Variants in DSCAM observed in about 807,000 individuals in gnomAD.
DSCAM encodes cell adhesion molecule DSCAM.
DSCAM carries 47 observed loss-of-function variants against 217.7 expected under a neutral mutation model. That is an observed-to-expected ratio of 0.22 (90% CI 0.17 to 0.28). The LOEUF (loss-of-function observed/expected upper bound fraction) is 0.28. Ranked by LOEUF, DSCAM falls within the 10% of genes least tolerant of loss-of-function variation. The pLI is 1.00. For synonymous variants in DSCAM, 1,056 were observed against 1,015.3 expected (o/e 1.04, Z -0.76); for missense variants, 2,080 against 2,618.3 (o/e 0.79, Z 4.49).
intron 20 of DSCAM, 40 bp from the exon 21 acceptor site, chr21:40,093,914 C>T: frequency 5.0e-6 from 8 of 1,587,382 alleles, no homozygotes; most frequent in Non-Finnish European, 6.0e-6. Flanking sequence ...TTCAAAGAAG[C>T]ATGTGGCAAA....
At chr21:40,332,562 C>T (rs2074388393) in intron 8 of DSCAM, among the ~76,000 whole-genome samples, 1 of 152,168 alleles carries the variant, frequency 6.6e-6, no homozygotes, top group Non-Finnish European at 1.5e-5. Context: ...GCAATTAGAA[C>T]ACGCAATTAA....
chr21:40,636,899 G>T lies in DSCAM; in HGVS notation c.508+55911C>A, dbSNP rs553691402. On this transcript the variant is annotated intron_variant, in intron 3 of 32. Coordinates refer to ENST00000400454, the MANE Select transcript of DSCAM (RefSeq NM_001389.5). ...GCTAATAAAAGGTTCATCAGGAATGGCTGAGAAGCCAGGGATCCAAGCGGA... is the reference window on the plus strand; with the variant it reads ...GCTAATAAAAGGTTCATCAGGAATGTCTGAGAAGCCAGGGATCCAAGCGGA... 9.7e-4 allele frequency among the ~76,000 whole-genome samples: 146 copies of T among 150,058 alleles called. 2 individuals are homozygous for T. The highest frequency in any genetic ancestry group is 9.2e-3 in the South Asian group (44 of 4,760).
At chr21:40,444,074 C>A (rs565433136) in intron 3 of DSCAM, among the ~76,000 whole-genome samples, 1 of 152,274 alleles carries the variant, frequency 6.6e-6, no homozygotes, top group Non-Finnish European at 1.5e-5. Context: ...TTTTCTTTCC[C>A]TCCTTGTCTT....
Position 40,748,453 on chromosome 21 carries a change from A to G in DSCAM, c.44-39682T>C, listed in dbSNP as rs182180062. The stretch of plus-strand genomic sequence containing the variant: ...ATATGCCAATAGCAAACTATTTGAA[A>G]TTGAAATTGAAAAAGTAATTCCATG... On this transcript the variant is annotated intron_variant, in intron 1 of 32. Coordinates refer to ENST00000400454, the MANE Select transcript of DSCAM (RefSeq NM_001389.5). Among the ~76,000 whole-genome samples the G allele has an allele frequency of 4.6e-5, 7 of 152,182 alleles. No individual in the cohort carries two copies. In the East Asian group the frequency reaches 1.3e-3, roughly 29 times the overall value.
chr21:40,551,302 G>T (rs946712922), intron 3 of DSCAM, among the ~76,000 whole-genome samples: 3 of 152,186 alleles, frequency 2.0e-5, no homozygotes, highest in Non-Finnish European at 2.9e-5. Context: ...CAGGTTATAG[G>T]TGGATTCAAA....
intron 30 of DSCAM, among the ~76,000 whole-genome samples, chr21:40,045,236 T>C (rs901080670): frequency 6.6e-6 from 1 of 152,268 alleles, no homozygotes; most frequent in Non-Finnish European, 1.5e-5. Context: ...CTCATTGTTT[T>C]AATGATGACT....
At chr21:40,650,625 A>AC (rs140019592) in intron 3 of DSCAM, among the ~76,000 whole-genome samples, 31,285 of 152,122 alleles carry the variant, frequency 0.21, 3,605 homozygotes, top group East Asian at 0.26. Flanking sequence ...ATTAATAAAG[A>AC]AGTGGGGAGG....
At chr21:40,093,916 T>C in intron 20 of DSCAM, 42 bp from the exon 21 acceptor site, 2 of 1,589,008 alleles carry the variant, frequency 1.3e-6, no homozygotes, top group Non-Finnish European at 1.7e-6. Flanking sequence ...CAAAGAAGCA[T>C]GTGGCAAAAA....
At chr21:40,158,985 G>C (rs2090509070) in intron 16 of DSCAM, among the ~76,000 whole-genome samples, 1 of 152,142 alleles carries the variant, frequency 6.6e-6, no homozygotes, top group Admixed American at 6.5e-5. Context: ...AAATGTATTT[G>C]AACTAGTGAA....
chr21:40,846,711 C>A lies in DSCAM; in HGVS notation c.-50G>T, dbSNP rs891997203. 2 of 967,484 alleles carry A rather than the reference C, an allele frequency of 2.1e-6. No homozygotes were observed. Among genetic ancestry groups the A allele is most frequent in the Admixed American group, 5.8e-5 (1 of 17,342 alleles). The allele number at this position is 967,484 out of a possible 1,614,324, so 59.9% of individuals were successfully genotyped here. On this transcript the variant is annotated 5_prime_UTR_variant, in exon 1 of 33. Coordinates refer to ENST00000400454, the MANE Select transcript of DSCAM (RefSeq NM_001389.5). ...GCGAGCGACGCGCCGGCCTCGCCCC[C>A]CGCGCTCCGCCCGGCCCGGCTCCGC... is the stretch of plus-strand genomic sequence containing the variant.
intron 15 of DSCAM, among the ~76,000 whole-genome samples, chr21:40,174,477 T>C (rs755682744): frequency 3.6e-4 from 54 of 152,080 alleles, no homozygotes; most frequent in Middle Eastern, 6.8e-3. Flanking sequence ...TCCATAAACA[T>C]TTCTGTAAAG....
At chr21:40,277,008 T>G (rs1319545717) in intron 10 of DSCAM, among the ~76,000 whole-genome samples, 3 of 151,966 alleles carry the variant, frequency 2.0e-5, no homozygotes, top group Non-Finnish European at 4.4e-5. Flanking sequence ...ATGAAACAGA[T>G]TATGAAGGTC....
intron 1 of DSCAM, among the ~76,000 whole-genome samples, chr21:40,736,597 C>A (rs2091065464): frequency 6.6e-6 from 1 of 152,180 alleles, no homozygotes; most frequent in Non-Finnish European, 1.5e-5. Context: ...TGCAGCCCCC[C>A]ATCCTGAAGG....
At chr21:40,210,276 G>A (rs541814918) in intron 11 of DSCAM, among the ~76,000 whole-genome samples, 59 of 152,222 alleles carry the variant, frequency 3.9e-4, no homozygotes, top group African/African-American at 1.3e-3. Flanking sequence ...CCTACAAGGG[G>A]CTCTCCCTTC....
chr21:40,594,303 T>TGAGTCCCTG (rs2077005184), intron 3 of DSCAM, among the ~76,000 whole-genome samples: 1 of 152,196 alleles, frequency 6.6e-6, no homozygotes. Flanking sequence ...TGCAAAGCCA[T>TGAGTCCCTG]GAGTCCCTGG....
intron 3 of DSCAM, chr21:40,621,531 GCCA>G (rs1373807695): frequency 1.3e-5 from 2 of 152,040 alleles, no homozygotes; most frequent in Non-Finnish European, 2.9e-5. Flanking sequence ...GCCCTTTGCA[GCCA>G]GGCCAGGCCA....
At chr21:40,319,699 C>T (rs551788761) in intron 8 of DSCAM, among the ~76,000 whole-genome samples, 23 of 152,276 alleles carry the variant, frequency 1.5e-4, no homozygotes, top group East Asian at 7.7e-4. Flanking sequence ...CAACACTGTA[C>T]GGGGTTCCAT....
chr21:40,779,824 T>G (rs925681902), intron 1 of DSCAM, among the ~76,000 whole-genome samples: 1 of 152,202 alleles, frequency 6.6e-6, no homozygotes, highest in African/African-American at 2.4e-5. Context: ...AATGCCCATG[T>G]GGCCACTGCA....
intron 1 of DSCAM, among the ~76,000 whole-genome samples, chr21:40,776,800 G>T (rs1393979651): frequency 1.3e-5 from 2 of 152,282 alleles, no homozygotes; most frequent in African/African-American, 4.8e-5. Flanking sequence ...TATAATGAGA[G>T]TGTTCTTCTT....
Sources: allele counts gnomAD v4.1 joint callset (sites outside exome capture counted in the v4.1 genomes callset), GRCh38; gene constraint gnomAD v4.1.1; transcripts MANE v1.5; gene names NCBI Gene and HGNC (gene_info 2026-07-23, HGNC 2026-07-21).